Variants in GRIK4 observed in about 807,000 individuals in gnomAD.
GRIK4 encodes glutamate receptor ionotropic, kainate 4.
A neutral mutation model predicts 104.9 loss-of-function variants in GRIK4; 40 were observed. That is an observed-to-expected ratio of 0.38 (90% CI 0.30 to 0.50). The LOEUF is 0.50. GRIK4 is among the 20% of genes least tolerant of loss of function. The probability of loss-of-function intolerance (pLI) is 0.93; values close to 1 mark genes in which losing one functional copy is unlikely to be tolerated. For synonymous variants in GRIK4, 485 were observed against 524.9 expected (o/e 0.92, Z 1.04); for missense variants, 1,047 against 1,308.1 (o/e 0.80, Z 3.08).
intron 3 of GRIK4, among the ~76,000 whole-genome samples, chr11:120,678,951 T>G (rs1950148136): frequency 6.6e-6 from 1 of 151,486 alleles, no homozygotes. Context: ...TTTTTTTGTT[T>G]GTTTGTTTTT....
At chr11:120,818,410 A>G (rs4935752) in intron 5 of GRIK4, among the ~76,000 whole-genome samples, 1 of 152,078 alleles carries the variant, frequency 6.6e-6, no homozygotes, top group East Asian at 1.9e-4. Context: ...GGGAAGAAAG[A>G]TCCGTTATGA....
chr11:120,550,952 G>A (rs1031707710), intron 1 of GRIK4, among the ~76,000 whole-genome samples: 4 of 152,160 alleles, frequency 2.6e-5, no homozygotes, highest in Admixed American at 6.5e-5. Context: ...AGGAGACAGC[G>A]GAGCATGCAT....
chr11:120,660,453 A>C, intron 3 of GRIK4, 53 bp downstream of exon 3: 1 of 1,368,034 alleles, frequency 7.3e-7, no homozygotes. Context: ...CCAGGTGTCC[A>C]CAAGGGACAT....
intron 13 of GRIK4, among the ~76,000 whole-genome samples, chr11:120,907,849 G>T (rs989241539): frequency 6.6e-6 from 1 of 152,130 alleles, no homozygotes; most frequent in African/African-American, 2.4e-5. Context: ...GCAAGCAAAA[G>T]GTAGAAGGCT....
chr11:120,926,127 G>GTGA (rs1591292074), intron 13 of GRIK4, among the ~76,000 whole-genome samples: 1 of 152,326 alleles, frequency 6.6e-6, no homozygotes, highest in East Asian at 1.9e-4. Flanking sequence ...GGTGGTAGTA[G>GTGA]TGATGTGAGG....
chr11:120,661,725 G>A (rs1185697816), intron 3 of GRIK4, among the ~76,000 whole-genome samples: 1 of 152,126 alleles, frequency 6.6e-6, no homozygotes, highest in Non-Finnish European at 1.5e-5. Context: ...TACCTTGTGG[G>A]CACAGTTTTT....
chr11:120,792,473 G>A (rs547831155), intron 3 of GRIK4, among the ~76,000 whole-genome samples: 13 of 152,116 alleles, frequency 8.5e-5, no homozygotes, highest in East Asian at 5.8e-4. Context: ...GTTGAGGAGC[G>A]CCAGGTGGTG....
chr11:120,871,703 G>C (rs1325865221), intron 9 of GRIK4: 3 of 456,288 alleles, frequency 6.6e-6, no homozygotes, highest in Non-Finnish European at 1.3e-5. Context: ...GAGTGGGAAG[G>C]TGTTGAGGTC....
chr11:120,820,390 G>A (rs1953085490), intron 6 of GRIK4, among the ~76,000 whole-genome samples: 1 of 152,212 alleles, frequency 6.6e-6, no homozygotes, highest in Admixed American at 6.5e-5. Flanking sequence ...CCCCTGGAGA[G>A]CAGGTTTTGC....
rs551022771 is a variant in GRIK4 at position 120,918,808 on chromosome 11, G to A, written c.1476+13315G>A. On this transcript the variant is annotated intron_variant, in intron 13 of 20. Coordinates refer to ENST00000527524, the MANE Select transcript of GRIK4 (RefSeq NM_014619.5). ...AGAGAAGGAGGGAAGCATTTCAGCCGGAGGAAGCCAGGCAAGGCTTCAGAG... is the reference window on the plus strand; with the variant it reads ...AGAGAAGGAGGGAAGCATTTCAGCCAGAGGAAGCCAGGCAAGGCTTCAGAG... 5.3e-5 allele frequency among the ~76,000 whole-genome samples: 8 copies of A among 152,292 alleles called. No individual in the cohort carries two copies. The South Asian group carries it at 1.0e-3, about 20-fold the overall frequency.
At chr11:120,582,393 C>G (rs779380331) in intron 1 of GRIK4, among the ~76,000 whole-genome samples, 3 of 151,872 alleles carry the variant, frequency 2.0e-5, no homozygotes, top group Admixed American at 1.3e-4. Flanking sequence ...GTTTGGTGGT[C>G]AGACTATTTC....
At chr11:120,756,308 T>C (rs908529913) in intron 3 of GRIK4, among the ~76,000 whole-genome samples, 4 of 152,194 alleles carry the variant, frequency 2.6e-5, no homozygotes, top group Non-Finnish European at 4.4e-5. Context: ...CCTAGCCTGC[T>C]CTTGCCCCTC....
At chr11:120,955,625 G>A (rs1268564372) in intron 15 of GRIK4, among the ~76,000 whole-genome samples, 2 of 152,218 alleles carry the variant, frequency 1.3e-5, no homozygotes, top group Non-Finnish European at 2.9e-5. Context: ...CGCCAGTGGT[G>A]AGGCTGAGAG....
chr11:120,674,829 C>T (rs1452709630), intron 3 of GRIK4, among the ~76,000 whole-genome samples: 5 of 152,212 alleles, frequency 3.3e-5, no homozygotes, highest in Admixed American at 1.3e-4. Flanking sequence ...TCCAAGGGGG[C>T]ACCAACCACA....
intron 13 of GRIK4, among the ~76,000 whole-genome samples, chr11:120,925,442 A>G (rs1006398275): frequency 1.3e-5 from 2 of 152,160 alleles, no homozygotes; most frequent in African/African-American, 2.4e-5. Context: ...AGGCCAGCAC[A>G]AGCCCTTGCT....
intron 3 of GRIK4, among the ~76,000 whole-genome samples, chr11:120,734,847 T>C (rs899615988): frequency 2.6e-5 from 4 of 152,232 alleles, no homozygotes; most frequent in African/African-American, 9.6e-5. Flanking sequence ...ATCAATTGCA[T>C]TTTTCAAATG....
At chr11:120,633,722 G>A (rs575392729) in intron 1 of GRIK4, among the ~76,000 whole-genome samples, 1 of 152,324 alleles carries the variant, frequency 6.6e-6, no homozygotes, top group Admixed American at 6.5e-5. Flanking sequence ...CCTGAGCAGG[G>A]AGAGGCTGGG....
intron 19 of GRIK4, among the ~76,000 whole-genome samples, chr11:120,968,794 A>G (rs529137079): frequency 4.6e-5 from 7 of 152,294 alleles, no homozygotes; most frequent in Admixed American, 3.9e-4. Context: ...GTTTCAGCAC[A>G]TTAGTTAGCA....
chr11:120,565,034 G>A (rs1055051738), intron 1 of GRIK4, among the ~76,000 whole-genome samples: 2 of 152,282 alleles, frequency 1.3e-5, no homozygotes, highest in African/African-American at 4.8e-5. Context: ...TCCCGGCCTC[G>A]TGCTCCCGCT....
Sources: allele counts gnomAD v4.1 joint callset (sites outside exome capture counted in the v4.1 genomes callset), GRCh38; gene constraint gnomAD v4.1.1; transcripts MANE v1.5; gene names NCBI Gene and HGNC (gene_info 2026-07-23, HGNC 2026-07-21).